DOCK1: variants seen among roughly 807,000 people sequenced by gnomAD.
DOCK1 encodes dedicator of cytokinesis 1, also known as dedicator of cytokinesis protein 1.
In DOCK1, 138 loss-of-function variants were observed where a neutral mutation model predicts 262.7. That is an observed-to-expected ratio of 0.53 (90% confidence interval 0.46 to 0.61). The LOEUF is 0.61. Ranked by LOEUF, DOCK1 falls within the 20% of genes least tolerant of loss-of-function variation. The probability of loss-of-function intolerance (pLI) is 0.00; values close to 1 mark genes in which losing one functional copy is unlikely to be tolerated. For synonymous variants in DOCK1, 866 were observed against 867.4 expected (o/e 1.00, Z 0.03); for missense variants, 1,908 against 2,370.7 (o/e 0.80, Z 4.05).
intron 29 of DOCK1, among the ~76,000 whole-genome samples, chr10:127,301,743 C>T (rs900765723): frequency 3.9e-5 from 6 of 151,916 alleles, no homozygotes; most frequent in African/African-American, 1.5e-4. Flanking sequence ...GTCAGGAGTT[C>T]GAGACCAGCC....
intron 23 of DOCK1, among the ~76,000 whole-genome samples, chr10:127,101,312 G>A (rs756935378): frequency 6.6e-6 from 1 of 152,002 alleles, no homozygotes; most frequent in Non-Finnish European, 1.5e-5. Context: ...GAGGAAACCC[G>A]GCCCTTCAGG....
intron 3 of DOCK1, among the ~76,000 whole-genome samples, chr10:126,978,544 T>C (rs1055193994): frequency 7.2e-5 from 11 of 152,194 alleles, no homozygotes; most frequent in African/African-American, 2.4e-4. Context: ...GGCACTCCCA[T>C]ACACAATTCT....
chr10:127,423,612 A>T (rs2068640248), intron 46 of DOCK1, among the ~76,000 whole-genome samples: 1 of 152,160 alleles, frequency 6.6e-6, no homozygotes. Flanking sequence ...ATACAGTCTC[A>T]TATTAAACTG....
At position 127,012,197 on chromosome 10, in the gene DOCK1, G is replaced by A; in HGVS notation, c.1059-35G>A. 2.6e-6 allele frequency: 3 copies of A among 1,171,778 alleles called. No individual in the cohort carries two copies. The highest frequency in any genetic ancestry group is 3.8e-6 in the Non-Finnish European group (3 of 780,656). The allele number at this position is 1,171,778 out of a possible 1,614,324, so 72.6% of individuals were successfully genotyped here. On this transcript the variant is annotated intron_variant, in intron 11 of 51. Transcript: ENST00000623213. This position sits in a 1 kb window ranked among gnomAD's most constrained non-coding sequence, Gnocchi z 4.0. ...GGCCCATGGGTCTCTGTGCCCCTTT[G>A]TCTCCTGTGGTCTTGGTCGTCCCGT...
intron 23 of DOCK1, among the ~76,000 whole-genome samples, chr10:127,079,489 T>C (rs577697212): frequency 6.6e-6 from 1 of 152,284 alleles, no homozygotes; most frequent in East Asian, 1.9e-4. Context: ...TTTGCTTGCA[T>C]TGGGAAGTAA....
chr10:127,213,146 C>A (rs1385622025), intron 27 of DOCK1, among the ~76,000 whole-genome samples: 5 of 152,086 alleles, frequency 3.3e-5, no homozygotes, highest in African/African-American at 1.2e-4. Flanking sequence ...ATAGATATTT[C>A]TTTTACATGT....
intron 31 of DOCK1, among the ~76,000 whole-genome samples, chr10:127,346,561 G>A (rs971590282): frequency 6.6e-6 from 1 of 152,084 alleles, no homozygotes; most frequent in Non-Finnish European, 1.5e-5. Flanking sequence ...ACACGACTGC[G>A]CTCCAGCCTG....
intron 30 of DOCK1, among the ~76,000 whole-genome samples, chr10:127,342,860 G>T (rs1330046578): frequency 6.6e-6 from 1 of 152,174 alleles, no homozygotes; most frequent in African/African-American, 2.4e-5. Flanking sequence ...TGTTTTCCTT[G>T]TCTAGTGTAT....
At chr10:127,252,975 A>G (rs2059703940) in intron 28 of DOCK1, among the ~76,000 whole-genome samples, 1 of 152,160 alleles carries the variant, frequency 6.6e-6, no homozygotes, top group Non-Finnish European at 1.5e-5. Flanking sequence ...TTCATACAAA[A>G]TCACACTTAC....
chr10:127,287,634 C>T (rs2061206236), intron 29 of DOCK1, among the ~76,000 whole-genome samples: 1 of 152,242 alleles, frequency 6.6e-6, no homozygotes, highest in South Asian at 2.1e-4. Context: ...ACTGATAGAT[C>T]TACAGACTCA....
Position 127,421,010 on chromosome 10 carries a change from G to C in DOCK1, c.4776+1261G>C, listed in dbSNP as rs186274452. Among the ~76,000 whole-genome samples the C allele has an allele frequency of 4.1e-3, 624 of 151,814 alleles. 8 individuals are homozygous for C. The highest frequency in any genetic ancestry group is 2.2e-3 in the Non-Finnish European group (151 of 67,922). ...CAGCTTACTGCAACCTCCTCCTCCGGGGTTCAAGTGATTCTCCTGCCTTAG... is the reference window on the plus strand; with the variant it reads ...CAGCTTACTGCAACCTCCTCCTCCGCGGTTCAAGTGATTCTCCTGCCTTAG... On this transcript the variant is annotated intron_variant, in intron 46 of 51. Coordinates refer to ENST00000623213, the MANE Select transcript of DOCK1 (RefSeq NM_001290223.2).
chr10:126,911,529 A>G (rs989859237), intron 1 of DOCK1, among the ~76,000 whole-genome samples: 3 of 152,178 alleles, frequency 2.0e-5, no homozygotes, highest in African/African-American at 7.2e-5. Context: ...GCGGTTGTCA[A>G]GATGTTCACT....
chr10:127,127,707 A>C lies in DOCK1; in HGVS notation c.2790A>C (p.Lys930Asn), dbSNP rs1193178625. The C allele has an allele frequency of 6.2e-7, 1 of 1,612,610 alleles. No individual in the cohort carries two copies. The highest frequency in any genetic ancestry group is 8.5e-7 in the Non-Finnish European group (1 of 1,178,968). The change falls in exon 27 of 52, where the codon AAA (lysine) becomes AAC (asparagine). Residue 930 changes from lysine to asparagine, a missense_variant. Lys to Asn is a moderately conservative substitution (Grantham distance 94, BLOSUM62 0). This residue lies in a region of DOCK1 where 518 missense variants were observed against 575.1 expected (regional missense o/e 0.90). Coordinates refer to ENST00000623213, the MANE Select transcript of DOCK1 (RefSeq NM_001290223.2). ...GGCACGTCCAGATTATCATGGAGAAACTTCTCCGGACCGTGAACCGAACCG... is the reference window on the plus strand; with the variant it reads ...GGCACGTCCAGATTATCATGGAGAACCTTCTCCGGACCGTGAACCGAACCG... ...TQRHVQIIMEKLLRTVNRTVI... is the reference protein window; with the variant it reads ...TQRHVQIIMENLLRTVNRTVI...
chr10:127,348,619 C>A (rs2063747557), intron 31 of DOCK1, among the ~76,000 whole-genome samples: 1 of 137,472 alleles, frequency 7.3e-6, no homozygotes, highest in Non-Finnish European at 1.6e-5. Flanking sequence ...GGTCCCTAGG[C>A]TGTTTTCAGT....
At chr10:127,428,891 TACCGTGTGGATTGA>T (rs1392093362) in intron 47 of DOCK1, among the ~76,000 whole-genome samples, 17 of 132,032 alleles carry the variant, frequency 1.3e-4, no homozygotes, top group Non-Finnish European at 1.1e-4. Context: ...TGGATTGGGG[TACCGTGTGGATTGA>T]GCCGTGTGGA....
intron 16 of DOCK1, among the ~76,000 whole-genome samples, chr10:127,028,294 T>C (rs2043016193): frequency 6.6e-6 from 1 of 152,202 alleles, no homozygotes; most frequent in Non-Finnish European, 1.5e-5. Flanking sequence ...TCGGATCTGC[T>C]AATGGTGCAC....
intron 12 of DOCK1, among the ~76,000 whole-genome samples, chr10:127,018,159 C>T (rs2135402382): frequency 6.6e-6 from 1 of 152,336 alleles, no homozygotes; most frequent in Middle Eastern, 3.4e-3. Context: ...CTGGGCTCCA[C>T]AGGCTGCACC....
At chr10:126,977,362 C>T (rs186354342) in intron 2 of DOCK1, among the ~76,000 whole-genome samples, 1 of 152,250 alleles carries the variant, frequency 6.6e-6, no homozygotes, top group East Asian at 1.9e-4. Flanking sequence ...GGAGCCTGGG[C>T]CAAACCCAAA....
intron 35 of DOCK1, among the ~76,000 whole-genome samples, chr10:127,376,123 AATC>A (rs144156477): frequency 0.045 from 6,815 of 152,320 alleles, 213 homozygotes; most frequent in Non-Finnish European, 0.07. Flanking sequence ...GAGGTTTTGA[AATC>A]ATCAGACCTG....
Sources: gnomAD v4.1 joint callset for allele counts (sites outside exome capture counted in the v4.1 genomes callset) on GRCh38, gnomAD v4.1.1 for gene constraint, gnomAD v4.1.1 regional missense constraint, Gnocchi (gnomAD v3.1) non-coding constraint, MANE v1.5 for transcripts, NCBI Gene and HGNC (gene_info 2026-07-23, HGNC 2026-07-21) for gene names.